The following PDGFD variants were observed in gnomAD, a reference collection of about 807,000 sequenced individuals.
PDGFD encodes platelet derived growth factor D, also known as platelet-derived growth factor D.
In PDGFD, 30 loss-of-function variants were observed where a neutral mutation model predicts 44.7. That is an observed-to-expected ratio of 0.67 (90% CI 0.50 to 0.91). The LOEUF (loss-of-function observed/expected upper bound fraction) is 0.91, where lower values mean the gene tolerates loss of function less well. PDGFD is among the 40% of genes least tolerant of loss of function. PDGFD has a pLI of 0.00. For missense variants in PDGFD, 445 were observed against 457.8 expected, an observed-to-expected ratio of 0.97 and a Z score of 0.25; for synonymous variants, 173 against 168.4, an observed-to-expected ratio of 1.03 and a Z score of -0.21.
intron 3 of PDGFD, among the ~76,000 whole-genome samples, chr11:103,967,047 C>T (rs896679620): frequency 1.3e-5 from 2 of 152,180 alleles, no homozygotes; most frequent in African/African-American, 4.8e-5. Context: ...TAGTCTAATA[C>T]TTTCATATAA....
At chr11:103,920,185 G>A (rs756506859) in intron 6 of PDGFD, among the ~76,000 whole-genome samples, 1 of 152,166 alleles carries the variant, frequency 6.6e-6, no homozygotes, top group Non-Finnish European at 1.5e-5. Flanking sequence ...CAAAAAGCTG[G>A]GTTATAGTGG....
rs968656719 is a variant in PDGFD, at chr11:104,164,003, C to T, written c.-76G>A. ...GCTCCCGGGACCGACGCCGCGCCGC[C>T]CTGCGCTCTCGCCGCCTGCGCTCGC... is the stretch of plus-strand genomic sequence containing the variant. On this transcript the variant is annotated 5_prime_UTR_variant, in exon 1 of 7. Transcript: ENST00000393158. 1 of 1,430,004 alleles carries T rather than the reference C, an allele frequency of 7.0e-7. No individual in the cohort carries two copies. The highest frequency in any genetic ancestry group is 9.3e-7 in the Non-Finnish European group (1 of 1,074,868). The allele number at this position is 1,430,004 out of a possible 1,614,324, so 88.6% of individuals were successfully genotyped here.
At chr11:104,014,249 A>G (rs934750038) in intron 1 of PDGFD, among the ~76,000 whole-genome samples, 9 of 152,140 alleles carry the variant, frequency 5.9e-5, no homozygotes, top group African/African-American at 2.2e-4. Context: ...CAATCCCAGC[A>G]TATTTGGGAG....
intron 5 of PDGFD, among the ~76,000 whole-genome samples, chr11:103,928,877 T>C (rs1466287957): frequency 6.6e-6 from 1 of 152,194 alleles, no homozygotes; most frequent in Non-Finnish European, 1.5e-5. Flanking sequence ...CAATCATCCA[T>C]TACAAGTGTC....
intron 1 of PDGFD, among the ~76,000 whole-genome samples, chr11:104,061,263 A>C (rs1360572397): frequency 6.6e-6 from 1 of 152,098 alleles, no homozygotes; most frequent in Non-Finnish European, 1.5e-5. Context: ...TTAAAATGCT[A>C]GTCAAAAAGG....
chr11:103,931,052 T>C (rs1166249810), intron 5 of PDGFD, among the ~76,000 whole-genome samples: 1 of 152,180 alleles, frequency 6.6e-6, no homozygotes, highest in Non-Finnish European at 1.5e-5. Flanking sequence ...TGGGAACAAA[T>C]GCCAGGATCC....
chr11:104,054,819 T>C (rs974941080), intron 1 of PDGFD, among the ~76,000 whole-genome samples: 2 of 152,068 alleles, frequency 1.3e-5, no homozygotes, highest in Non-Finnish European at 2.9e-5. Context: ...AGGCTAGAGA[T>C]AGGGGAGACA....
At chr11:104,068,518 T>C (rs180978098) in intron 1 of PDGFD, among the ~76,000 whole-genome samples, 245 of 152,312 alleles carry the variant, frequency 1.6e-3, no homozygotes, top group African/African-American at 5.5e-3. Flanking sequence ...TTTGTGACAT[T>C]TCTTTTAATC....
chr11:103,980,542 C>T (rs1236967338), intron 3 of PDGFD, among the ~76,000 whole-genome samples: 4 of 152,074 alleles, frequency 2.6e-5, no homozygotes, highest in Non-Finnish European at 5.9e-5. Context: ...TTGTGGGTGT[C>T]GAACTGGGAA....
At position 103,947,642 on chromosome 11, in the gene PDGFD, C is replaced by G; in HGVS notation, c.573+20G>C. 6.2e-7 allele frequency: 1 copy of G among 1,600,968 alleles called. No homozygotes were observed. Among genetic ancestry groups the G allele is most frequent in the Non-Finnish European group, 8.6e-7 (1 of 1,168,274 alleles). On this transcript the variant is annotated intron_variant, in intron 4 of 6. Coordinates refer to ENST00000393158, the MANE Select transcript of PDGFD (RefSeq NM_025208.5). ...TTCCATCCGTTTCTTTTGCTGGCAA[C>G]AGAGTAATAAATTACTTACTGAAAT...
chr11:104,091,368 C>G (rs1006944625), intron 1 of PDGFD, among the ~76,000 whole-genome samples: 1 of 151,968 alleles, frequency 6.6e-6, no homozygotes, highest in Non-Finnish European at 1.5e-5. Context: ...GAAGGTATGC[C>G]CCCTTCGTTC....
At chr11:103,996,458 A>G (rs977976302) in intron 2 of PDGFD, among the ~76,000 whole-genome samples, 2 of 152,210 alleles carry the variant, frequency 1.3e-5, no homozygotes, top group Non-Finnish European at 2.9e-5. Context: ...AAACCTTTAC[A>G]TACATTTAGT....
chr11:104,020,481 A>C (rs1247797433), intron 1 of PDGFD, among the ~76,000 whole-genome samples: 1 of 152,156 alleles, frequency 6.6e-6, no homozygotes, highest in East Asian at 1.9e-4. Flanking sequence ...AAACCATATA[A>C]ATATCAATAA....
At chr11:104,128,379 C>T (rs934189084) in intron 1 of PDGFD, among the ~76,000 whole-genome samples, 1 of 152,110 alleles carries the variant, frequency 6.6e-6, no homozygotes, top group African/African-American at 2.4e-5. Context: ...CCACCTACTC[C>T]TTGGTTCATC....
intron 6 of PDGFD, among the ~76,000 whole-genome samples, chr11:103,916,259 C>T (rs745484091): frequency 5.3e-5 from 8 of 151,854 alleles, no homozygotes; most frequent in East Asian, 1.9e-4. Flanking sequence ...AAAACAACCC[C>T]GTCAAAATAT....
At chr11:104,068,120 C>A (rs7930348) in intron 1 of PDGFD, among the ~76,000 whole-genome samples, 34,251 of 152,022 alleles carry the variant, frequency 0.23, 4,257 homozygotes, top group Non-Finnish European at 0.28. Flanking sequence ...TATCACCTTT[C>A]TATTCAGTAA....
intron 1 of PDGFD, among the ~76,000 whole-genome samples, chr11:104,121,974 A>T (rs1387656194): frequency 6.6e-6 from 1 of 152,098 alleles, no homozygotes; most frequent in Non-Finnish European, 1.5e-5. Flanking sequence ...TATAGTAGCA[A>T]ACCTAGGGAT....
chr11:103,915,340 A>G (rs1396636493), intron 6 of PDGFD, among the ~76,000 whole-genome samples: 1 of 152,204 alleles, frequency 6.6e-6, no homozygotes, highest in African/African-American at 2.4e-5. Flanking sequence ...GTGAACTCTC[A>G]TTCACAATTG....
At chr11:103,976,202 G>A (rs1167185945) in intron 3 of PDGFD, among the ~76,000 whole-genome samples, 1 of 152,068 alleles carries the variant, frequency 6.6e-6, no homozygotes, top group Non-Finnish European at 1.5e-5. Flanking sequence ...TCCTGGAAGA[G>A]GTCCTTCACA....
Sources: gnomAD v4.1 joint callset for allele counts (sites outside exome capture counted in the v4.1 genomes callset) on GRCh38, gnomAD v4.1.1 for gene constraint, MANE v1.5 for transcripts, NCBI Gene and HGNC (gene_info 2026-07-23, HGNC 2026-07-21) for gene names.